SOX5: variants seen among roughly 807,000 people sequenced by gnomAD.
The protein encoded by SOX5 is SRY-box transcription factor 5.
Under a neutral mutation model 92.0 loss-of-function variants are expected in SOX5, and 9 were observed. The observed-to-expected ratio is 0.10, with a 90% CI of 0.06 to 0.17. The LOEUF is 0.17. Among genes scored for constraint, SOX5 ranks in the 10% least tolerant of loss-of-function variants. The pLI, the probability that SOX5 is intolerant of heterozygous loss-of-function variation, is 1.00. For synonymous variants in SOX5, 344 were observed against 336.3 expected, an observed-to-expected ratio of 1.02 and a Z score of -0.25; for missense variants, 642 against 944.5, an observed-to-expected ratio of 0.68 and a Z score of 4.20.
intron 3 of SOX5, among the ~76,000 whole-genome samples, chr12:24,256,225 GAATA>G (rs1424163703): frequency 6.6e-6 from 1 of 152,204 alleles, no homozygotes; most frequent in African/African-American, 2.4e-5. Flanking sequence ...AATGTGAACG[GAATA>G]AATGGTTGAG....
rs571761912 is a variant in SOX5 at position 24,250,138 on chromosome 12, G to C, written c.-77+27078C>G. On this transcript the variant is annotated intron_variant, in intron 3 of 4. Transcript: ENST00000446891. The stretch of plus-strand genomic sequence containing the variant: ...CTGCGTATTCCCAAAATCACCTCTG[G>C]TTTGAAATACAGTAGAAAAGAGTTG... Among the ~76,000 whole-genome samples the C allele has an allele frequency of 3.3e-4, 50 of 152,268 alleles. No homozygotes were observed. In the South Asian group the frequency reaches 9.9e-3, roughly 30 times the overall value.
rs144730566 is a variant in SOX5, at chr12:23,536,386, T to C, written c.1988+67A>G. The C allele has an allele frequency of 1.3e-5, 16 of 1,228,212 alleles. No homozygotes were observed. In the East Asian group the frequency reaches 3.3e-4, roughly 25 times the overall value. The allele number at this position is 1,228,212 out of a possible 1,614,324, so 76.1% of individuals were successfully genotyped here. On this transcript the variant is annotated intron_variant, in intron 14 of 14. Transcript: ENST00000451604. ...ATGTCTTTTTGCAACTGAACAAATA[T>C]GTTTCACATCCCATTAAGTATAACA... is the stretch of plus-strand genomic sequence containing the variant.
At chr12:24,332,013 C>A (rs1951390561) in intron 2 of SOX5, among the ~76,000 whole-genome samples, 1 of 151,806 alleles carries the variant, frequency 6.6e-6, no homozygotes, top group African/African-American at 2.4e-5. Context: ...ATAATATGAT[C>A]ACAACAGAAA....
chr12:23,795,046 T>C (rs942297652), intron 3 of SOX5, among the ~76,000 whole-genome samples: 1 of 152,134 alleles, frequency 6.6e-6, no homozygotes, highest in Non-Finnish European at 1.5e-5. Context: ...GGCTCTTGAA[T>C]TTAAAGTTTT....
chr12:24,152,273 C>G (rs749133754), intron 4 of SOX5, among the ~76,000 whole-genome samples: 3 of 152,164 alleles, frequency 2.0e-5, no homozygotes, highest in East Asian at 1.9e-4. Context: ...GCATTTCACA[C>G]GTCATTGATT....
chr12:24,039,030 T>C (rs1956292058), intron 4 of SOX5, among the ~76,000 whole-genome samples: 1 of 152,184 alleles, frequency 6.6e-6, no homozygotes, highest in Non-Finnish European at 1.5e-5. Flanking sequence ...ATTTTATGTA[T>C]AGGATATCCA....
At chr12:24,194,432 TGTAGGTAGGTAG>T (rs1246191280) in intron 4 of SOX5, among the ~76,000 whole-genome samples, 1 of 99,236 alleles carries the variant, frequency 1.0e-5, no homozygotes, top group Non-Finnish European at 2.1e-5. Flanking sequence ...TAGGTAGGTA[TGTAGGTAGGTAG>T]GTAGGTAGGT....
At chr12:24,145,426 G>C (rs1407436713) in intron 4 of SOX5, among the ~76,000 whole-genome samples, 1 of 152,060 alleles carries the variant, frequency 6.6e-6, no homozygotes, top group Non-Finnish European at 1.5e-5. Flanking sequence ...ACGTGCACTT[G>C]ACAGAAACTC....
chr12:23,791,593 T>C, intron 3 of SOX5, among the ~76,000 whole-genome samples: 1 of 152,146 alleles, frequency 6.6e-6, no homozygotes, highest in East Asian at 1.9e-4. Context: ...AAGTTCCTTA[T>C]CCACAACCTG....
intron 4 of SOX5, among the ~76,000 whole-genome samples, chr12:24,015,094 G>C (rs985995239): frequency 1.3e-5 from 2 of 150,760 alleles, no homozygotes; most frequent in African/African-American, 2.4e-5. Flanking sequence ...TTCTCTTTCT[G>C]TCTCTCTCTC....
chr12:23,737,368 G>A (rs543532170), intron 5 of SOX5, among the ~76,000 whole-genome samples: 9 of 151,934 alleles, frequency 5.9e-5, no homozygotes, highest in South Asian at 2.1e-4. Context: ...GTGAAACCCC[G>A]TCTCTACTAA....
At chr12:24,041,813 T>C (rs2137001705) in intron 4 of SOX5, among the ~76,000 whole-genome samples, 1 of 152,248 alleles carries the variant, frequency 6.6e-6, no homozygotes, top group Middle Eastern at 3.4e-3. Flanking sequence ...AAAACTACCA[T>C]CTCTAAATTT....
chr12:23,609,811 G>C (rs1470827208), intron 8 of SOX5, among the ~76,000 whole-genome samples: 2 of 152,120 alleles, frequency 1.3e-5, no homozygotes, highest in Non-Finnish European at 2.9e-5. Context: ...AAAAAATTAT[G>C]AAAAGTGTGA....
chr12:23,748,304 T>G (rs1200191470), intron 4 of SOX5, among the ~76,000 whole-genome samples: 1 of 151,962 alleles, frequency 6.6e-6, no homozygotes, highest in Non-Finnish European at 1.5e-5. Flanking sequence ...GTTGAGTGAA[T>G]AAAATAAATA....
At chr12:24,069,892 C>T (rs73275432) in intron 4 of SOX5, among the ~76,000 whole-genome samples, 145 of 152,300 alleles carry the variant, frequency 9.5e-4, no homozygotes, top group African/African-American at 3.4e-3. Context: ...CAATCTACAG[C>T]TACTACACAA....
intron 2 of SOX5, among the ~76,000 whole-genome samples, chr12:24,288,642 T>TTTCAATAATA (rs1399388269): frequency 6.6e-6 from 1 of 152,174 alleles, no homozygotes; most frequent in East Asian, 1.9e-4. Flanking sequence ...GAATTACACA[T>TTTCAATAATA]TTCAATAATA....
intron 4 of SOX5, among the ~76,000 whole-genome samples, chr12:23,993,676 A>G (rs1317417091): frequency 6.6e-6 from 1 of 152,158 alleles, no homozygotes; most frequent in Non-Finnish European, 1.5e-5. Flanking sequence ...TTATTTTAAG[A>G]TATTACATAA....
chr12:23,746,824 C>T (rs907656813), intron 4 of SOX5, among the ~76,000 whole-genome samples: 1 of 152,066 alleles, frequency 6.6e-6, no homozygotes, highest in Non-Finnish European at 1.5e-5. Flanking sequence ...TTCCCATGTG[C>T]TGTGGGTGGG....
intron 4 of SOX5, among the ~76,000 whole-genome samples, chr12:23,984,144 C>G (rs1005356062): frequency 1.3e-5 from 2 of 152,014 alleles, no homozygotes; most frequent in Admixed American, 1.3e-4. Context: ...TTGAAAACAC[C>G]TTATATGACA....
Sources: allele counts gnomAD v4.1 joint callset (sites outside exome capture counted in the v4.1 genomes callset), GRCh38; gene constraint gnomAD v4.1.1; transcripts MANE v1.5; gene names NCBI Gene and HGNC (gene_info 2026-07-23, HGNC 2026-07-21).